KLRG1: variants seen among roughly 807,000 people sequenced by gnomAD.
The protein encoded by KLRG1 is killer cell lectin-like receptor subfamily G member 1.
In KLRG1, 16 loss-of-function variants were observed where a neutral mutation model predicts 21.8. The observed-to-expected ratio is 0.73, with a 90% CI of 0.50 to 1.11. KLRG1 has a LOEUF of 1.11. KLRG1 is among the 50% of genes most tolerant of loss of function. KLRG1 has a pLI of 0.00. For missense variants in KLRG1, 173 were observed against 218.3 expected (o/e 0.79, Z 1.31); for synonymous variants, 69 against 75.9 (o/e 0.91, Z 0.47).
chr12:9,001,294 G>T (rs1160237521), intron 3 of KLRG1, among the ~76,000 whole-genome samples: 1 of 152,104 alleles, frequency 6.6e-6, no homozygotes. Context: ...ACCTGAAAAA[G>T]TGTCTGAAGA....
the KLRG1 span, among the ~76,000 whole-genome samples, chr12:9,136,795 A>G: frequency 6.6e-6 from 1 of 152,126 alleles, no homozygotes; most frequent in Non-Finnish European, 1.5e-5. Flanking sequence ...GCATTTTTTC[A>G]TATACCTATT....
the KLRG1 span, among the ~76,000 whole-genome samples, chr12:9,191,792 A>G: frequency 5.0e-4 from 76 of 152,276 alleles, no homozygotes; most frequent in African/African-American, 1.8e-3. Flanking sequence ...GCCTGGCACA[A>G]GAAAAAAAAA....
chr12:9,193,417 A>G, the KLRG1 span, among the ~76,000 whole-genome samples: 1 of 152,196 alleles, frequency 6.6e-6, no homozygotes, highest in Non-Finnish European at 1.5e-5. Context: ...ACATCATACT[A>G]ATAATTTACA....
chr12:9,037,924 G>C, the KLRG1 span, among the ~76,000 whole-genome samples: 3 of 152,122 alleles, frequency 2.0e-5, no homozygotes, highest in South Asian at 4.1e-4. Context: ...AAGTTGCTTA[G>C]GGTTACGTTT....
the KLRG1 span, among the ~76,000 whole-genome samples, chr12:9,213,770 T>C: frequency 2.0e-5 from 3 of 152,082 alleles, no homozygotes; most frequent in African/African-American, 7.2e-5. Flanking sequence ...TATTTACTCC[T>C]GTTCTGTGGG....
At chr12:9,101,492 A>C in the KLRG1 span, 1 of 1,613,936 alleles carries the variant, frequency 6.2e-7, no homozygotes, top group East Asian at 2.2e-5. Context: ...GGGTGCCTCC[A>C]TTCAGAATAT....
the KLRG1 span, among the ~76,000 whole-genome samples, chr12:9,107,963 C>T: frequency 6.6e-6 from 1 of 151,472 alleles, no homozygotes. Context: ...CAAGACGAAA[C>T]AAACAAAACA....
chr12:9,027,273 T>C, the KLRG1 span, among the ~76,000 whole-genome samples: 4 of 148,546 alleles, frequency 2.7e-5, no homozygotes, highest in Non-Finnish European at 5.9e-5. Flanking sequence ...AAAAAAAAAG[T>C]CTACATTAAA....
the KLRG1 span, among the ~76,000 whole-genome samples, chr12:9,161,489 T>C: frequency 6.6e-6 from 1 of 152,210 alleles, no homozygotes; most frequent in Non-Finnish European, 1.5e-5. Context: ...TCCAGAGTCC[T>C]TCCTCTTCTC....
the KLRG1 span, chr12:9,090,280 T>C: frequency 1.8e-5 from 28 of 1,597,314 alleles, no homozygotes; most frequent in East Asian, 1.3e-4. Flanking sequence ...CTGAAGGAAG[T>C]AGCACTCAAT....
At chr12:9,008,147 C>T (rs1027430810) in intron 3 of KLRG1, among the ~76,000 whole-genome samples, 4 of 151,880 alleles carry the variant, frequency 2.6e-5, no homozygotes, top group African/African-American at 9.7e-5. Context: ...GATGAGGATG[C>T]GGAAAATGAG....
chr12:9,028,625 G>T, the KLRG1 span: 1 of 371,238 alleles, frequency 2.7e-6, no homozygotes. Context: ...TGTATTTTTA[G>T]TAGAGACGGG....
chr12:9,152,451 G>T, the KLRG1 span: 1 of 658,700 alleles, frequency 1.5e-6, no homozygotes. Flanking sequence ...CCCTGGACTT[G>T]TGCAACACTG....
the KLRG1 span, among the ~76,000 whole-genome samples, chr12:9,188,109 G>T: frequency 6.6e-6 from 1 of 152,154 alleles, no homozygotes; most frequent in Non-Finnish European, 1.5e-5. Flanking sequence ...GATGAACATT[G>T]ATGCGAAAAT....
the KLRG1 span, chr12:9,115,648 C>A: frequency 1.3e-6 from 1 of 763,028 alleles, no homozygotes; most frequent in Non-Finnish European, 2.2e-6. Context: ...TGGAAGGAAT[C>A]TTAGAGATAA....
At chr12:9,213,602 A>T in the KLRG1 span, among the ~76,000 whole-genome samples, 1 of 152,244 alleles carries the variant, frequency 6.6e-6, no homozygotes, top group African/African-American at 2.4e-5. Flanking sequence ...GCATATTCTC[A>T]TGTGCTTACT....
the KLRG1 span, chr12:9,072,591 C>G: frequency 6.3e-7 from 1 of 1,599,544 alleles, no homozygotes; most frequent in East Asian, 2.2e-5. Context: ...TGAGTTAGGA[C>G]TTCTCAGAGA....
chr12:9,095,569 T>G, the KLRG1 span: 3 of 1,612,630 alleles, frequency 1.9e-6, no homozygotes, highest in African/African-American at 2.7e-5. Context: ...CCTTTTCATT[T>G]GTACTTGATA....
At chr12:8,974,709 G>A (rs1946628765) in intron 1 of KLRG1, among the ~76,000 whole-genome samples, 1 of 152,072 alleles carries the variant, frequency 6.6e-6, no homozygotes. Context: ...ACAATCCAGG[G>A]ATAAATTCCA....
Sources: gnomAD v4.1 joint callset for allele counts (sites outside exome capture counted in the v4.1 genomes callset) on GRCh38, gnomAD v4.1.1 for gene constraint, MANE v1.5 for transcripts, NCBI Gene and HGNC (gene_info 2026-07-23, HGNC 2026-07-21) for gene names.